Variants in RANBP17 observed in about 807,000 individuals in gnomAD.
The protein encoded by RANBP17 is ran-binding protein 17.
A neutral mutation model predicts 141.2 loss-of-function variants in RANBP17; 158 were observed. That is an observed-to-expected ratio of 1.12 (90% confidence interval 0.98 to 1.28). The LOEUF is 1.28. Among genes scored for constraint, RANBP17 ranks in the 50% most tolerant of loss-of-function variants. The pLI is 0.00. For synonymous variants in RANBP17, 430 were observed against 450.0 expected (o/e 0.96, Z 0.56); for missense variants, 1,438 against 1,290.7 (o/e 1.11, Z -1.75).
intron 5 of RANBP17, among the ~76,000 whole-genome samples, chr5:170,905,673 T>C (rs149043893): frequency 2.0e-5 from 3 of 152,242 alleles, no homozygotes; most frequent in African/African-American, 4.8e-5. Flanking sequence ...GATAATCTTA[T>C]TGAACTCTAA....
At chr5:171,123,539 A>G (rs1392377012) in intron 14 of RANBP17, among the ~76,000 whole-genome samples, 2 of 152,216 alleles carry the variant, frequency 1.3e-5, no homozygotes, top group African/African-American at 4.8e-5. Context: ...CCCCACTGCC[A>G]CTGCCACTTC....
rs1241981318 is a variant in RANBP17, at chr5:170,967,865, A to G, written c.1575-377A>G. ...AAGTAAAAAGGTGAAATACAAGACT[A>G]CATACTTAATATCCTTCTTCTTTTA... On this transcript the variant is annotated intron_variant, in intron 13 of 27. Transcript: ENST00000523189. Among the ~76,000 whole-genome samples, 4 of 151,746 alleles carry G rather than the reference A, an allele frequency of 2.6e-5. No homozygotes were observed. In the East Asian group the frequency reaches 7.7e-4, roughly 29 times the overall value.
intron 14 of RANBP17, among the ~76,000 whole-genome samples, chr5:171,003,497 G>C (rs1779368030): frequency 6.6e-6 from 1 of 152,186 alleles, no homozygotes; most frequent in Admixed American, 6.5e-5. Context: ...TCGGCAGGGA[G>C]AGCACGTGTG....
chr5:171,216,559 A>G (rs761118386), intron 21 of RANBP17, among the ~76,000 whole-genome samples: 94 of 152,058 alleles, frequency 6.2e-4, no homozygotes, highest in Admixed American at 8.5e-4. Flanking sequence ...ATGTTTTTCC[A>G]TTTGTTTGTG....
intron 13 of RANBP17, among the ~76,000 whole-genome samples, chr5:170,965,619 C>A (rs973158740): frequency 1.3e-5 from 2 of 152,132 alleles, no homozygotes; most frequent in Non-Finnish European, 2.9e-5. Flanking sequence ...CTATATATGG[C>A]TAGCCAGTTT....
intron 12 of RANBP17, among the ~76,000 whole-genome samples, chr5:170,936,805 G>T (rs1439717017): frequency 6.6e-6 from 1 of 152,140 alleles, no homozygotes; most frequent in African/African-American, 2.4e-5. Context: ...AGAGAGAGGG[G>T]TGTTAAATCT....
intron 24 of RANBP17, among the ~76,000 whole-genome samples, chr5:171,261,475 T>A (rs1766325558): frequency 6.6e-6 from 1 of 152,194 alleles, no homozygotes; most frequent in Non-Finnish European, 1.5e-5. Flanking sequence ...TAAGGCAGAT[T>A]TCGGTTCAGC....
intron 14 of RANBP17, among the ~76,000 whole-genome samples, chr5:171,026,004 G>A (rs1781208593): frequency 6.6e-6 from 1 of 152,094 alleles, no homozygotes; most frequent in African/African-American, 2.4e-5. Context: ...TTGTGTCTGT[G>A]TTGTTCGCCA....
chr5:170,884,817 A>G (rs1046557210), intron 3 of RANBP17, among the ~76,000 whole-genome samples: 3 of 152,022 alleles, frequency 2.0e-5, no homozygotes, highest in Non-Finnish European at 4.4e-5. Context: ...AGATTGTCCA[A>G]TGTTAATTTT....
chr5:170,988,490 A>T (rs1232831584), intron 14 of RANBP17, among the ~76,000 whole-genome samples: 1 of 151,630 alleles, frequency 6.6e-6, no homozygotes, highest in Non-Finnish European at 1.5e-5. Flanking sequence ...ACTAAAGAAG[A>T]CTTTCAATTT....
intron 24 of RANBP17, among the ~76,000 whole-genome samples, chr5:171,248,538 A>G (rs1765368543): frequency 6.6e-6 from 1 of 152,182 alleles, no homozygotes; most frequent in East Asian, 1.9e-4. Flanking sequence ...AGACTACTGC[A>G]ATCTAAACCA....
At chr5:171,207,096 G>A (rs1762624064) in intron 20 of RANBP17, 3 of 164,170 alleles carry the variant, frequency 1.8e-5, no homozygotes, top group Admixed American at 6.4e-5. Context: ...TGACTAGCTG[G>A]GACTGTGGTG....
intron 14 of RANBP17, among the ~76,000 whole-genome samples, chr5:171,033,232 T>C (rs1391907195): frequency 6.6e-6 from 1 of 152,118 alleles, no homozygotes; most frequent in Non-Finnish European, 1.5e-5. Flanking sequence ...TTCAGCATAC[T>C]ATACATTTTG....
intron 18 of RANBP17, among the ~76,000 whole-genome samples, chr5:171,187,117 T>C (rs980661879): frequency 6.6e-6 from 1 of 152,110 alleles, no homozygotes; most frequent in Non-Finnish European, 1.5e-5. Flanking sequence ...AATATCAATA[T>C]TGTTGTGTCT....
At chr5:170,950,112 T>G (rs977428022) in intron 12 of RANBP17, among the ~76,000 whole-genome samples, 1 of 151,976 alleles carries the variant, frequency 6.6e-6, no homozygotes, top group Non-Finnish European at 1.5e-5. Context: ...TGGATTAGAC[T>G]TAAGACCTGA....
At chr5:171,277,637 G>GTGTATATATATGTA (rs1437482589) in intron 25 of RANBP17, among the ~76,000 whole-genome samples, 2 of 56,920 alleles carry the variant, frequency 3.5e-5, no homozygotes, top group Admixed American at 5.4e-4. Flanking sequence ...ATATATGTAT[G>GTGTATATATATGTA]TATATATATA....
chr5:171,101,527 A>G (rs1787163252), intron 14 of RANBP17, among the ~76,000 whole-genome samples: 1 of 152,162 alleles, frequency 6.6e-6, no homozygotes, highest in South Asian at 2.1e-4. Flanking sequence ...AATACAGCAC[A>G]CTGATGGGTC....
chr5:170,909,661 G>T lies in RANBP17; in HGVS notation c.490G>T (p.Val164Phe). 1.4e-6 allele frequency: 2 copies of T among 1,437,728 alleles called. No homozygotes were observed. Among genetic ancestry groups the T allele is most frequent in the Non-Finnish European group, 1.9e-6 (2 of 1,051,240 alleles). 89.1% of individuals were successfully genotyped at this position (1,437,728 alleles called of 1,614,324 possible). Residue 164 changes from valine (V) to phenylalanine (F), a missense_variant and splice_region_variant, in exon 6 of 28, where the codon GTT (valine) becomes TTT (phenylalanine). Transcript: ENST00000523189. ...LSELTQEMNLVDYSRPSAKHR... is the reference protein window; with the variant it reads ...LSELTQEMNLFDYSRPSAKHR... Reference sequence around the variant, plus strand: ...ACTAATTTCATCTTTATCTTTTTAGGTTGATTATTCTAGACCTTCAGCAAA... The same window carrying T: ...ACTAATTTCATCTTTATCTTTTTAGTTTGATTATTCTAGACCTTCAGCAAA...
At chr5:171,261,156 A>G (rs964414321) in intron 24 of RANBP17, among the ~76,000 whole-genome samples, 4 of 134,768 alleles carry the variant, frequency 3.0e-5, no homozygotes, top group African/African-American at 1.1e-4. Context: ...TGTTTAATGG[A>G]TTGAAACAGC....
Sources: gnomAD v4.1 joint callset for allele counts (sites outside exome capture counted in the v4.1 genomes callset) on GRCh38, gnomAD v4.1.1 for gene constraint, MANE v1.5 for transcripts, NCBI Gene and HGNC (gene_info 2026-07-23, HGNC 2026-07-21) for gene names.